OTUD7A: variants seen among roughly 807,000 people sequenced by gnomAD.
OTUD7A encodes the protein OTU deubiquitinase 7A.
A neutral mutation model predicts 65.7 loss-of-function variants in OTUD7A; 12 were observed. The ratio of observed to expected loss-of-function variants is 0.18; its 90% CI spans 0.12 to 0.30. The LOEUF (loss-of-function observed/expected upper bound fraction) is 0.30. OTUD7A is among the 10% of genes least tolerant of loss of function. The pLI is 1.00. For synonymous variants in OTUD7A, 641 were observed against 586.3 expected (o/e 1.09, Z -1.35); for missense variants, 1,148 against 1,304.8 (o/e 0.88, Z 1.85).
rs568381613 is a variant in OTUD7A at position 31,725,470 on chromosome 15, T to C, written c.-99-68393A>G. 4.6e-5 allele frequency among the ~76,000 whole-genome samples: 7 copies of C among 152,340 alleles called. No homozygotes were observed. The East Asian group carries it at 1.2e-3, about 25-fold the overall frequency. On this transcript the variant is annotated intron_variant, in intron 1 of 12. Coordinates refer to ENST00000307050, the MANE Select transcript of OTUD7A (RefSeq NM_001382637.1). ...CATCTTTCAAAGAGACCACTGGGCA[T>C]CACGCAGAAGCCCGTGACTTTGAGG...
chr15:31,714,940 A>C (rs1041295223), intron 1 of OTUD7A, among the ~76,000 whole-genome samples: 9 of 152,084 alleles, frequency 5.9e-5, no homozygotes, highest in Non-Finnish European at 2.9e-5. Flanking sequence ...GTTTCAGACC[A>C]GGCTGGCCAA....
chr15:31,603,966 A>G (rs1351336209), intron 3 of OTUD7A, among the ~76,000 whole-genome samples: 1 of 152,248 alleles, frequency 6.6e-6, no homozygotes, highest in African/African-American at 2.4e-5. Flanking sequence ...GAGGATGTGG[A>G]GAAACAGGAA....
intron 6 of OTUD7A, among the ~76,000 whole-genome samples, chr15:31,528,180 C>G (rs1228863207): frequency 2.0e-5 from 3 of 152,216 alleles, no homozygotes; most frequent in Non-Finnish European, 2.9e-5. Context: ...GAGGCTGGCA[C>G]AGAGTGTACG....
intron 1 of OTUD7A, among the ~76,000 whole-genome samples, chr15:31,723,803 G>A (rs1333668914): frequency 1.7e-5 from 1 of 58,668 alleles, no homozygotes; most frequent in Non-Finnish European, 3.4e-5. Flanking sequence ...TGCAAGTGGA[G>A]TTGCTGGGTC....
intron 8 of OTUD7A, 120 bp downstream of exon 8, chr15:31,526,229 T>C: frequency 9.5e-7 from 1 of 1,057,966 alleles, no homozygotes; most frequent in African/African-American, 1.6e-5. Flanking sequence ...CTGGAATCTT[T>C]CTGTCTTCCA....
chr15:31,483,581 C>CT lies in OTUD7A; in HGVS notation c.2514_2515insA (p.Gly839ArgfsTer46). ...GTCCCCGCCGCGCCCGGTAGGGCCC[C>CT]GGGCACCGCGCGCGCCAGCGACTCG... On this transcript the variant is annotated frameshift_variant, in exon 13 of 13. Transcript: ENST00000307050. LOFTEE classifies it high-confidence loss of function. The CT allele has an allele frequency of 8.0e-7, 1 of 1,244,358 alleles. No individual in the cohort carries two copies. Among genetic ancestry groups the CT allele is most frequent in the South Asian group, 2.7e-5 (1 of 36,892 alleles). The allele number at this position is 1,244,358 out of a possible 1,614,324, so 77.1% of individuals were successfully genotyped here.
At chr15:31,799,374 G>A (rs1896059082) in intron 1 of OTUD7A, among the ~76,000 whole-genome samples, 1 of 152,184 alleles carries the variant, frequency 6.6e-6, no homozygotes, top group African/African-American at 2.4e-5. Flanking sequence ...CTATGTTGGG[G>A]GCTGAATGTT....
chr15:31,785,140 G>A lies in OTUD7A; in HGVS notation c.-100+85367C>T, dbSNP rs145500716. Among the ~76,000 whole-genome samples, 495 of 152,256 alleles carry A rather than the reference G, an allele frequency of 3.3e-3. 3 individuals carry two copies. Among genetic ancestry groups the A allele is most frequent in the African/African-American group, 0.011 (477 of 41,546 alleles). ...GTACACTTTGATGGATCTAAATCCT[G>A]CAAGTACACTTTGATGGATCTAGAC... On this transcript the variant is annotated intron_variant, in intron 1 of 12. Coordinates refer to ENST00000307050, the MANE Select transcript of OTUD7A (RefSeq NM_001382637.1).
At chr15:31,802,153 A>ATATATATATATG (rs112482684) in intron 1 of OTUD7A, among the ~76,000 whole-genome samples, 8 of 150,290 alleles carry the variant, frequency 5.3e-5, no homozygotes, top group African/African-American at 2.0e-4. Context: ...ATATATATAT[A>ATATATATATATG]TGTAAAGGGG....
chr15:31,735,011 T>C (rs11071306), intron 1 of OTUD7A, among the ~76,000 whole-genome samples: 106,366 of 151,894 alleles, frequency 0.7, 37,617 homozygotes, highest in South Asian at 0.8. Flanking sequence ...CTAACAAAGG[T>C]GTAATATCCA....
chr15:31,593,125 T>C (rs1022006595), intron 3 of OTUD7A, among the ~76,000 whole-genome samples: 2 of 151,888 alleles, frequency 1.3e-5, no homozygotes, highest in East Asian at 3.9e-4. Context: ...AGTAGATTTA[T>C]TTGCAGCATC....
At chr15:31,518,919 C>T (rs1375577154) in intron 8 of OTUD7A, among the ~76,000 whole-genome samples, 1 of 152,254 alleles carries the variant, frequency 6.6e-6, no homozygotes, top group Non-Finnish European at 1.5e-5. Context: ...CTGCTAAGAG[C>T]TATGGCCTGG....
intron 1 of OTUD7A, among the ~76,000 whole-genome samples, chr15:31,671,697 T>C (rs887464262): frequency 1.3e-5 from 2 of 152,206 alleles, no homozygotes; most frequent in African/African-American, 4.8e-5. Flanking sequence ...TTTATGTGCT[T>C]TTTGATTTGG....
chr15:31,687,715 GACCCC>G (rs1478536371), intron 1 of OTUD7A, among the ~76,000 whole-genome samples: 1 of 152,140 alleles, frequency 6.6e-6, no homozygotes, highest in Non-Finnish European at 1.5e-5. Context: ...CTTGTGTGAT[GACCCC>G]ACAACCACAG....
Position 31,483,197 on chromosome 15 carries a change from G to C in OTUD7A, c.*97C>G, listed in dbSNP as rs559601811. On this transcript the variant is annotated 3_prime_UTR_variant, in exon 13 of 13. Coordinates refer to ENST00000307050, the MANE Select transcript of OTUD7A (RefSeq NM_001382637.1). Reference sequence around the variant, plus strand: ...CACGGCACTGACAGAGGAGGCGCCGGCCTTCCGGTGGACCAGGGCATGTAA... The same window carrying C: ...CACGGCACTGACAGAGGAGGCGCCGCCCTTCCGGTGGACCAGGGCATGTAA... The C allele has an allele frequency of 1.8e-3, 1,804 of 1,016,394 alleles. 3 individuals are homozygous for C. The highest frequency in any genetic ancestry group is 2.1e-3 in the Non-Finnish European group (1,748 of 847,136). The allele number at this position is 1,016,394 out of a possible 1,614,324, so 63.0% of individuals were successfully genotyped here. A position where few individuals can be genotyped will look rare whatever the true frequency, so the allele number is the denominator to read the frequency against.
chr15:31,778,204 A>G (rs1895439381), intron 1 of OTUD7A, among the ~76,000 whole-genome samples: 1 of 152,196 alleles, frequency 6.6e-6, no homozygotes, highest in African/African-American at 2.4e-5. Context: ...TCAATAGCCC[A>G]TACCTTGTCT....
At chr15:31,697,514 C>T (rs903279544) in intron 1 of OTUD7A, among the ~76,000 whole-genome samples, 11 of 143,458 alleles carry the variant, frequency 7.7e-5, no homozygotes, top group Non-Finnish European at 1.2e-4. Flanking sequence ...TGGTTTTAGG[C>T]TCAGGGGCCA....
At chr15:31,709,095 C>T (rs1439121963) in intron 1 of OTUD7A, among the ~76,000 whole-genome samples, 2 of 151,428 alleles carry the variant, frequency 1.3e-5, no homozygotes, top group Non-Finnish European at 1.5e-5. Flanking sequence ...AGAGAAAACA[C>T]AGGCCACTCC....
intron 1 of OTUD7A, among the ~76,000 whole-genome samples, chr15:31,835,289 C>T (rs915758286): frequency 1.3e-5 from 2 of 152,128 alleles, no homozygotes; most frequent in African/African-American, 4.8e-5. Flanking sequence ...TAACCATGTC[C>T]CATGTAATAT....
Sources: allele counts gnomAD v4.1 joint callset (sites outside exome capture counted in the v4.1 genomes callset), GRCh38; gene constraint gnomAD v4.1.1; transcripts MANE v1.5; gene names NCBI Gene and HGNC (gene_info 2026-07-23, HGNC 2026-07-21).